KDM4C: variants seen among roughly 807,000 people sequenced by gnomAD.
The protein encoded by KDM4C is lysine demethylase 4C.
Under a neutral mutation model 129.3 loss-of-function variants are expected in KDM4C, and 81 were observed. The ratio of observed to expected loss-of-function variants is 0.63; its 90% confidence interval spans 0.52 to 0.75. The LOEUF (loss-of-function observed/expected upper bound fraction) is 0.75, where lower values mean the gene tolerates loss of function less well. KDM4C is among the 30% of genes least tolerant of loss of function. KDM4C has a pLI of 0.00. For missense variants in KDM4C, 1,457 were observed against 1,304.0 expected (o/e 1.12, Z -1.81); for synonymous variants, 573 against 456.1 (o/e 1.26, Z -3.26).
chr9:6,931,083 T>C (rs993418513), intron 8 of KDM4C, among the ~76,000 whole-genome samples: 2 of 152,126 alleles, frequency 1.3e-5, no homozygotes, highest in Non-Finnish European at 2.9e-5. Context: ...GTTGCCTAAC[T>C]TGTTGCCTCC....
At chr9:7,009,345 G>T (rs577351769) in intron 12 of KDM4C, among the ~76,000 whole-genome samples, 105 of 152,212 alleles carry the variant, frequency 6.9e-4, no homozygotes, top group African/African-American at 2.4e-3. Context: ...AAAAAGTGGC[G>T]TTCCATGAAA....
At chr9:7,057,819 C>A (rs1831071166) in intron 17 of KDM4C, among the ~76,000 whole-genome samples, 1 of 152,186 alleles carries the variant, frequency 6.6e-6, no homozygotes, top group Non-Finnish European at 1.5e-5. Flanking sequence ...ACTTCCCCTG[C>A]AGTTATTGCT....
At chr9:6,785,054 A>G (rs1257902156) in intron 1 of KDM4C, among the ~76,000 whole-genome samples, 2 of 152,172 alleles carry the variant, frequency 1.3e-5, no homozygotes, top group African/African-American at 4.8e-5. Context: ...TCATGCCTGT[A>G]TTAGTTACCT....
intron 19 of KDM4C, among the ~76,000 whole-genome samples, chr9:7,144,208 C>G (rs1842021230): frequency 6.6e-6 from 1 of 151,820 alleles, no homozygotes; most frequent in South Asian, 2.1e-4. Flanking sequence ...ACCTCGGCCT[C>G]CCAAACTCAA....
intron 21 of KDM4C, 93 bp from the exon 22 acceptor site, chr9:7,174,460 A>ACCC (rs1845263311): frequency 1.6e-6 from 2 of 1,249,532 alleles, no homozygotes; most frequent in Non-Finnish European, 2.3e-6. Context: ...GGGCATCTGC[A>ACCC]CCCTAACCCC....
chr9:7,161,879 A>G (rs1843836529), intron 19 of KDM4C, among the ~76,000 whole-genome samples: 1 of 152,200 alleles, frequency 6.6e-6, no homozygotes, highest in East Asian at 1.9e-4. Context: ...TATACCCCAC[A>G]TAGTCATAGG....
At chr9:6,896,900 G>A (rs1816550699) in intron 8 of KDM4C, among the ~76,000 whole-genome samples, 1 of 152,232 alleles carries the variant, frequency 6.6e-6, no homozygotes, top group South Asian at 2.1e-4. Flanking sequence ...CAGGACTGGA[G>A]AGGGGGCTCC....
chr9:7,004,995 C>T (rs943325620), intron 12 of KDM4C, among the ~76,000 whole-genome samples: 1 of 152,126 alleles, frequency 6.6e-6, no homozygotes, highest in African/African-American at 2.4e-5. Flanking sequence ...CAGCCATGGC[C>T]CCGACCAGCC....
chr9:6,973,066 G>C (rs1390906370), intron 8 of KDM4C, among the ~76,000 whole-genome samples: 1 of 152,232 alleles, frequency 6.6e-6, no homozygotes, highest in South Asian at 2.1e-4. Flanking sequence ...GTGAATCTGA[G>C]ATGGTGAATT....
chr9:7,154,871 G>A (rs1843011841), intron 19 of KDM4C, among the ~76,000 whole-genome samples: 1 of 152,174 alleles, frequency 6.6e-6, no homozygotes, highest in African/African-American at 2.4e-5. Context: ...CATCCCTAGA[G>A]GCAGTACAGC....
intron 4 of KDM4C, among the ~76,000 whole-genome samples, chr9:6,824,544 C>G (rs1021416060): frequency 2.1e-4 from 31 of 151,144 alleles, no homozygotes; most frequent in African/African-American, 7.3e-4. Context: ...TATTGTGAAC[C>G]TCAAATAACT....
chr9:6,807,313 G>A (rs1830185027), intron 3 of KDM4C, among the ~76,000 whole-genome samples: 1 of 150,848 alleles, frequency 6.6e-6, no homozygotes. Flanking sequence ...ACCCGTCTGG[G>A]AAGTGAGGAG....
At chr9:7,014,253 TGAG>T (rs144767815) in intron 14 of KDM4C, 28,555 of 411,736 alleles carry the variant, frequency 0.069, 1,767 homozygotes, top group East Asian at 0.25. Flanking sequence ...GGGGTCCAGT[TGAG>T]GAGTCATGAT....
chr9:6,992,146 C>T (rs935337691), intron 12 of KDM4C, among the ~76,000 whole-genome samples: 2 of 151,986 alleles, frequency 1.3e-5, no homozygotes, highest in African/African-American at 4.8e-5. Context: ...TTTCCCTTTC[C>T]CATGGTAGAC....
chr9:6,770,767 CTTTTTTTTT>C (rs753670348), intron 1 of KDM4C, among the ~76,000 whole-genome samples: 8 of 81,748 alleles, frequency 9.8e-5, no homozygotes, highest in Admixed American at 2.5e-4. Context: ...GATTTTGATC[CTTTTTTTTT>C]TTTTTTTTTT....
At chr9:6,844,697 T>G (rs1389142239) in intron 4 of KDM4C, among the ~76,000 whole-genome samples, 1 of 151,560 alleles carries the variant, frequency 6.6e-6, no homozygotes, top group African/African-American at 2.4e-5. Context: ...CTGATATTTC[T>G]TTTTTTTTGA....
rs374511858 is a variant in KDM4C, at chr9:6,984,180, G to C, written c.1130G>C (p.Arg377Thr). The C allele has an allele frequency of 1.2e-5, 19 of 1,613,006 alleles. No individual in the cohort carries two copies. Among genetic ancestry groups the C allele is most frequent in the South Asian group, 9.9e-5 (9 of 91,006 alleles). The change falls in exon 10 of 22, where the codon AGG (arginine) becomes ACG (threonine). Residue 377 changes from arginine to threonine, a missense_variant. Arg to Thr is a moderately conservative substitution (Grantham distance 71, BLOSUM62 -1). Coordinates refer to ENST00000381309, the MANE Select transcript of KDM4C (RefSeq NM_015061.6). ...RKASRSFQCA[R>T]STSKRPKADE... ...CTTGTTGACAGCTTCCAGTGTGCTAGGTCTACCTCTAAAAGGCCTAAGGCT... is the reference window on the plus strand; with the variant it reads ...CTTGTTGACAGCTTCCAGTGTGCTACGTCTACCTCTAAAAGGCCTAAGGCT...
Position 7,026,407 on chromosome 9 carries a change from C to G in KDM4C, c.2259+10478C>G, listed in dbSNP as rs545009914. On this transcript the variant is annotated intron_variant, in intron 15 of 21. Transcript: ENST00000381309. ...AGCACTTTAAATATGTCATGACACT[C>G]TCTCCTGGCCTGTTAGGTTTTCACT... Among the ~76,000 whole-genome samples, 160 of 152,070 alleles carry G rather than the reference C, an allele frequency of 1.1e-3. 1 individual carries two copies. The highest frequency in any genetic ancestry group is 3.4e-3 in the Middle Eastern group (1 of 294).
At chr9:7,016,558 T>G (rs905184621) in intron 15 of KDM4C, among the ~76,000 whole-genome samples, 1 of 151,632 alleles carries the variant, frequency 6.6e-6, no homozygotes, top group Non-Finnish European at 1.5e-5. Context: ...CCTGAGTATC[T>G]GGGACTACGG....
Sources: allele counts gnomAD v4.1 joint callset (sites outside exome capture counted in the v4.1 genomes callset), GRCh38; gene constraint gnomAD v4.1.1; transcripts MANE v1.5; gene names NCBI Gene and HGNC (gene_info 2026-07-23, HGNC 2026-07-21).